Variants in PLEKHG5 observed in about 807,000 individuals in gnomAD.
The protein encoded by PLEKHG5 is pleckstrin homology and RhoGEF domain containing G5.
A neutral mutation model predicts 103.8 loss-of-function variants in PLEKHG5; 52 were observed. The ratio of observed to expected loss-of-function variants is 0.50; its 90% CI spans 0.40 to 0.63. The LOEUF (loss-of-function observed/expected upper bound fraction) is 0.63, where lower values mean the gene tolerates loss of function less well. PLEKHG5 is among the 30% of genes least tolerant of loss of function. PLEKHG5 has a pLI of 0.00. For missense variants in PLEKHG5, 1,205 were observed against 1,347.6 expected (o/e 0.89, Z 1.66); for synonymous variants, 592 against 575.5 (o/e 1.03, Z -0.41).
At chr1:6,476,083 G>T in intron 2 of PLEKHG5, 47 bp from the exon 3 acceptor site, 2 of 1,533,040 alleles carry the variant, frequency 1.3e-6, no homozygotes, top group Non-Finnish European at 9.0e-7. Flanking sequence ...CCCCTCCTTA[G>T]CCTGCAGCAT....
chr1:6,494,469 G>A (rs764723852), upstream of PLEKHG5, among the ~76,000 whole-genome samples: 1 of 151,758 alleles, frequency 6.6e-6, no homozygotes, highest in Non-Finnish European at 1.5e-5. Flanking sequence ...TCCCTATATT[G>A]CCCAGGTTGG....
intron 1 of PLEKHG5, among the ~76,000 whole-genome samples, chr1:6,510,712 G>A (rs182454650): frequency 6.6e-6 from 1 of 152,346 alleles, no homozygotes; most frequent in East Asian, 1.9e-4. Context: ...CCACCAGCCA[G>A]CAAGCAGTGG....
intron 19 of PLEKHG5, among the ~76,000 whole-genome samples, 197 bp downstream of exon 19, chr1:6,468,845 C>A (rs537568718): frequency 6.6e-6 from 1 of 152,196 alleles, no homozygotes; most frequent in Non-Finnish European, 1.5e-5. Context: ...GCAGCTACCA[C>A]GAATGGATCA....
chr1:6,500,965 G>T (rs546486938), upstream of PLEKHG5, among the ~76,000 whole-genome samples: 10 of 152,242 alleles, frequency 6.6e-5, no homozygotes, highest in African/African-American at 2.4e-4. Context: ...CTGGGCCTCG[G>T]GGCGCGGGCA....
rs989889559 is a variant in PLEKHG5, at chr1:6,486,113, G to T, written c.-88+5524C>A. 2.0e-5 allele frequency among the ~76,000 whole-genome samples: 3 copies of T among 150,418 alleles called. No homozygotes were observed. Among genetic ancestry groups the T allele is most frequent in the Non-Finnish European group, 4.4e-5 (3 of 67,504 alleles). ...ACGCACGGTCCCTCCCAGCCAGAAG[G>T]GTACCTTCCCTCCTCCCTTCCTCCT... On this transcript the variant is annotated intron_variant, in intron 1 of 20. Transcript: ENST00000377728. This position sits in a 1 kb window ranked among gnomAD's most constrained non-coding sequence, Gnocchi z 5.3.
At chr1:6,471,928 A>C in intron 10 of PLEKHG5, 120 bp from the exon 11 acceptor site, 2 of 983,440 alleles carry the variant, frequency 2.0e-6, no homozygotes, top group Non-Finnish European at 3.2e-6. Flanking sequence ...GCCCCACAGC[A>C]GCCACGGATA....
chr1:6,497,007 G>A, upstream of PLEKHG5: 1 of 1,527,092 alleles, frequency 6.5e-7, no homozygotes, highest in Non-Finnish European at 8.7e-7. This position sits in a 1 kb window ranked among gnomAD's most constrained non-coding sequence, Gnocchi z 6.1. Context: ...AAGGTCTGGG[G>A]CGACCCCCGT....
intron 1 of PLEKHG5, among the ~76,000 whole-genome samples, chr1:6,482,136 C>T (rs1045866655): frequency 1.3e-5 from 2 of 152,086 alleles, no homozygotes; most frequent in African/African-American, 4.8e-5. Context: ...CCTTCCCTCC[C>T]CTCCTGCTAG....
exon 1 of PLEKHG5, chr1:6,519,969 C>G (rs753970498): frequency 1.6e-5 from 4 of 244,814 alleles, no homozygotes; most frequent in Non-Finnish European, 3.2e-5. Context: ...CAGCAGCAGC[C>G]CCTCTGCTGG....
chr1:6,516,571 T>C (rs1312042383), intron 1 of PLEKHG5, among the ~76,000 whole-genome samples: 2 of 151,702 alleles, frequency 1.3e-5, no homozygotes, highest in African/African-American at 2.4e-5. Flanking sequence ...GCAGGAGAAC[T>C]GCTTGAACCC....
chr1:6,484,229 C>T (rs1250184863), intron 1 of PLEKHG5, among the ~76,000 whole-genome samples: 1 of 152,222 alleles, frequency 6.6e-6, no homozygotes, highest in Non-Finnish European at 1.5e-5. Flanking sequence ...GCACCCCACC[C>T]TGGATCCCTT....
chr1:6,509,406 T>C (rs1638414463), intron 1 of PLEKHG5, among the ~76,000 whole-genome samples: 1 of 152,178 alleles, frequency 6.6e-6, no homozygotes, highest in African/African-American at 2.4e-5. Context: ...ACTACAGCTG[T>C]TTCCTTGAGA....
chr1:6,500,050 C>G (rs923525286), upstream of PLEKHG5, among the ~76,000 whole-genome samples: 4 of 152,172 alleles, frequency 2.6e-5, no homozygotes, highest in Non-Finnish European at 5.9e-5. Context: ...GATCCTCCTG[C>G]CTTGGCCTCC....
At chr1:6,519,427 G>C in intron 1 of PLEKHG5, 1 of 1,597,768 alleles carries the variant, frequency 6.3e-7, no homozygotes, top group Non-Finnish European at 8.6e-7. Flanking sequence ...AGACAAAAGA[G>C]ATAGAAAACA....
At chr1:6,512,966 A>G (rs940273701) in intron 1 of PLEKHG5, among the ~76,000 whole-genome samples, 2 of 152,248 alleles carry the variant, frequency 1.3e-5, no homozygotes, top group African/African-American at 2.4e-5. Context: ...CAGTCACAGC[A>G]GAAGAACAGA....
chr1:6,516,830 ATG>A (rs1195103470), intron 1 of PLEKHG5, among the ~76,000 whole-genome samples: 6 of 140,930 alleles, frequency 4.3e-5, no homozygotes, highest in Non-Finnish European at 7.5e-5. Flanking sequence ...ATGTGTATAT[ATG>A]TGTGTGTATA....
In PLEKHG5 at chr1:6,476,052, G is replaced by T; in HGVS notation, c.44-16C>A. The T allele has an allele frequency of 6.2e-7, 1 of 1,609,836 alleles. No individual in the cohort carries two copies. Among genetic ancestry groups the T allele is most frequent in the Non-Finnish European group, 8.5e-7 (1 of 1,177,994 alleles). ...AGCACAGAGCCTTGGGAGAAAGCAG[G>T]AGAGGGTTGTGCCTCCCCCGCCCCT... On this transcript the variant is annotated splice_polypyrimidine_tract_variant and intron_variant, in intron 2 of 20. Coordinates refer to ENST00000377728, the MANE Select transcript of PLEKHG5 (RefSeq NM_020631.6).
Position 6,473,188 on chromosome 1 carries a change from C to T in PLEKHG5, c.796-14G>A, listed in dbSNP as rs1330639997. On this transcript the variant is annotated splice_polypyrimidine_tract_variant and intron_variant, in intron 8 of 20. Coordinates refer to ENST00000377728, the MANE Select transcript of PLEKHG5 (RefSeq NM_020631.6). ...CTTGTCTACCTCCTGGAAAGATACC[C>T]TGGTCAGGGTCAGGGGTCATGGCCA... 3 of 1,613,546 alleles carry T rather than the reference C, an allele frequency of 1.9e-6. No individual in the cohort carries two copies. The East Asian group carries it at 6.7e-5, about 36-fold the overall frequency.
chr1:6,469,775 C>T, intron 16 of PLEKHG5, 99 bp from the exon 17 acceptor site: 1 of 1,076,762 alleles, frequency 9.3e-7, no homozygotes, highest in Non-Finnish European at 1.4e-6. Context: ...TTTTGTCAAA[C>T]ACTCCTCCCA....
Sources: allele counts gnomAD v4.1 joint callset (sites outside exome capture counted in the v4.1 genomes callset), GRCh38; gene constraint gnomAD v4.1.1; non-coding constraint Gnocchi (gnomAD v3.1); transcripts MANE v1.5; gene names NCBI Gene and HGNC (gene_info 2026-07-23, HGNC 2026-07-21).